SYNCRIP: variants seen among roughly 807,000 people sequenced by gnomAD.
SYNCRIP encodes the protein heterogeneous nuclear ribonucleoprotein Q.
Under a neutral mutation model 68.9 loss-of-function variants are expected in SYNCRIP, and 9 were observed. That is an observed-to-expected ratio of 0.13 (90% CI 0.08 to 0.23). The LOEUF is 0.23. Among genes scored for constraint, SYNCRIP ranks in the 10% least tolerant of loss-of-function variants. The probability of loss-of-function intolerance (pLI) is 1.00; values close to 1 mark genes in which losing one functional copy is unlikely to be tolerated. For synonymous variants in SYNCRIP, 258 were observed against 254.0 expected, an observed-to-expected ratio of 1.02 and a Z score of -0.15; for missense variants, 414 against 770.6, an observed-to-expected ratio of 0.54 and a Z score of 5.48.
chr6:85,635,998 T>C (rs1388306500), intron 6 of SYNCRIP, among the ~76,000 whole-genome samples: 1 of 152,132 alleles, frequency 6.6e-6, no homozygotes, highest in Admixed American at 6.5e-5. Flanking sequence ...AGCTATCTTG[T>C]ACAAAAGTTC....
At chr6:85,636,383 T>A (rs538809204) in intron 6 of SYNCRIP, among the ~76,000 whole-genome samples, 3 of 151,640 alleles carry the variant, frequency 2.0e-5, no homozygotes, top group Middle Eastern at 3.4e-3. Context: ...GGGGTGGAGG[T>A]TGCAGTGAGC....
Position 85,615,007 on chromosome 6 carries a change from C to T in SYNCRIP, c.1621G>A (p.Gly541Ser), listed in dbSNP as rs746427285. ...CCGCGGCCTCTTTGTTGTTGGGCAC[C>T]TCCTCTCGCACCTCGAACGCCTCTT... is the stretch of plus-strand genomic sequence containing the variant. ...SARGVRGARG[G>S]AQQQRGRGVR... is the part of the protein sequence containing the mutation. The change falls in exon 11 of 11, where the codon GGT becomes AGT. Residue 541 changes from glycine to serine, a missense_variant. Gly to Ser is a moderately conservative substitution (Grantham distance 56). This residue lies in a region of SYNCRIP where 130 missense variants were observed against 149.0 expected (regional missense o/e 0.87). Transcript: ENST00000369622. The T allele has an allele frequency of 3.1e-6, 5 of 1,613,782 alleles. No homozygotes were observed. Among genetic ancestry groups the T allele is most frequent in the Non-Finnish European group, 4.2e-6 (5 of 1,179,820 alleles).
At chr6:85,609,229 CCTT>C (rs1805058318), downstream of SYNCRIP, 1 of 151,746 alleles carries the variant, frequency 6.6e-6, no homozygotes, top group Non-Finnish European at 1.5e-5. Context: ...TGCATGAAGC[CCTT>C]CTATTTAATT....
At chr6:85,641,495 A>T in intron 1 of SYNCRIP, 44 bp from the exon 2 acceptor site, 1 of 1,576,354 alleles carries the variant, frequency 6.3e-7, no homozygotes, top group Non-Finnish European at 8.6e-7. Flanking sequence ...ATCTTCAAAA[A>T]GAATACAAGA....
chr6:85,614,702 GGTGA>G lies in SYNCRIP; in HGVS notation c.*50_*53del. 6.6e-7 allele frequency: 1 copy of G among 1,507,308 alleles called. No homozygotes were observed. The highest frequency in any genetic ancestry group is 2.3e-5 in the East Asian group (1 of 43,120). 93.4% of individuals were successfully genotyped at this position (1,507,308 alleles called of 1,614,324 possible). A position where few individuals can be genotyped will look rare whatever the true frequency, so the allele number is the denominator to read the frequency against. On this transcript the variant is annotated 3_prime_UTR_variant, in exon 11 of 11. Coordinates refer to ENST00000369622, the MANE Select transcript of SYNCRIP (RefSeq NM_006372.5). ...TATAGCGGCACCCGTTCAGATTTAG[GGTGA>G]GTTTCTGATCAACCTATCAGTCTCC...
chr6:85,634,735 CTGCTACTTTAT>C (rs1045010271), intron 6 of SYNCRIP, among the ~76,000 whole-genome samples: 1 of 152,184 alleles, frequency 6.6e-6, no homozygotes, highest in Non-Finnish European at 1.5e-5. Flanking sequence ...TTTTCACTTA[CTGCTACTTTAT>C]TGCTACTTGG....
At chr6:85,632,694 CA>C (rs1398221170) in intron 6 of SYNCRIP, among the ~76,000 whole-genome samples, 1 of 152,154 alleles carries the variant, frequency 6.6e-6, no homozygotes, top group African/African-American at 2.4e-5. Flanking sequence ...GTAATCCCAG[CA>C]ATTTGGGAAG....
chr6:85,622,064 T>C (rs190836701), intron 8 of SYNCRIP, among the ~76,000 whole-genome samples: 1 of 150,872 alleles, frequency 6.6e-6, no homozygotes, highest in East Asian at 1.9e-4. Flanking sequence ...ACTCTAAAAA[T>C]ATGGTTTAAA....
chr6:85,615,049 C>T lies in SYNCRIP; in HGVS notation c.1579G>A (p.Gly527Arg), dbSNP rs1805614178. 1.2e-6 allele frequency: 2 copies of T among 1,614,140 alleles called. No individual in the cohort carries two copies. Among genetic ancestry groups the T allele is most frequent in the East Asian group, 4.5e-5 (2 of 44,874 alleles). ...ACGCCTCTTGCTGATCCAGGACCTC[C>T]TCTCTGTGAATAACCGGCTCTACCG... Reference protein sequence around the residue: ...PRGRAGYSQRGGPGSARGVRG... With the variant: ...PRGRAGYSQRRGPGSARGVRG... The change falls in exon 11 of 11, where the codon GGA (glycine) becomes AGA (arginine). Residue 527 changes from glycine to arginine, a missense_variant. Gly to Arg is a moderately radical substitution (Grantham distance 125). Around this residue, in one of 6 missense-constraint regions of SYNCRIP, gnomAD observed 130 missense variants for 149.0 expected, o/e 0.87. Coordinates refer to ENST00000369622, the MANE Select transcript of SYNCRIP (RefSeq NM_006372.5).
chr6:85,642,145 T>C (rs1295389392), intron 1 of SYNCRIP, among the ~76,000 whole-genome samples: 2 of 152,108 alleles, frequency 1.3e-5, no homozygotes, highest in Admixed American at 6.5e-5. Flanking sequence ...CCCAGAAAGC[T>C]GCAGCAGCAC....
At chr6:85,640,145 T>C in intron 4 of SYNCRIP, 76 bp downstream of exon 4, 7 of 973,496 alleles carry the variant, frequency 7.2e-6, no homozygotes, top group South Asian at 7.0e-5. Flanking sequence ...ATCCATTTCA[T>C]ACCCAAGGAA....
intron 6 of SYNCRIP, among the ~76,000 whole-genome samples, chr6:85,635,882 C>G (rs887692075): frequency 1.3e-5 from 2 of 149,674 alleles, no homozygotes; most frequent in Non-Finnish European, 3.0e-5. Context: ...GGGTAAAACT[C>G]AGGAGGGAGG....
chr6:85,641,776 G>A (rs530289892), intron 1 of SYNCRIP, among the ~76,000 whole-genome samples: 1 of 152,280 alleles, frequency 6.6e-6, no homozygotes, highest in Admixed American at 6.5e-5. Context: ...GGAAAATGAG[G>A]TGTGTGTGGA....
At chr6:85,625,106 A>G (rs549500978) in intron 6 of SYNCRIP, among the ~76,000 whole-genome samples, 49 of 152,284 alleles carry the variant, frequency 3.2e-4, no homozygotes, top group Non-Finnish European at 5.9e-4. Flanking sequence ...TGTAAGTCAG[A>G]AAGTTGAGTC....
At chr6:85,632,297 C>T (rs1807888021) in intron 6 of SYNCRIP, among the ~76,000 whole-genome samples, 1 of 152,164 alleles carries the variant, frequency 6.6e-6, no homozygotes, top group Non-Finnish European at 1.5e-5. Flanking sequence ...CTTGTCTGAT[C>T]TATAAATAAT....
At position 85,641,363 on chromosome 6, in the gene SYNCRIP, T is replaced by C. The variant is rs754575784; in HGVS notation, c.77A>G (p.Asn26Ser). ...ACCAGCATCAAGCAATGTCTGAAAA[T>C]TTTCTGAATGGATAACTGCAGAAGT... ...DTTSAVIHSE[N>S]FQTLLDAGLP... Residue 26 changes from asparagine to serine, a missense_variant, in exon 2 of 11, where the codon AAT becomes AGT. Around this residue, in one of 6 missense-constraint regions of SYNCRIP, gnomAD observed 51 missense variants for 63.7 expected, o/e 0.80. Coordinates refer to ENST00000369622, the MANE Select transcript of SYNCRIP (RefSeq NM_006372.5). The C allele has an allele frequency of 6.2e-7, 1 of 1,613,022 alleles. No individual in the cohort carries two copies. The highest frequency in any genetic ancestry group is 8.5e-7 in the Non-Finnish European group (1 of 1,179,996).
intron 6 of SYNCRIP, among the ~76,000 whole-genome samples, chr6:85,631,502 C>CAAAT (rs1807785753): frequency 6.6e-6 from 1 of 152,042 alleles, no homozygotes; most frequent in African/African-American, 2.4e-5. Flanking sequence ...TTGATGTTGC[C>CAAAT]AAATATAAAG....
rs963439585 is a variant in SYNCRIP at position 85,624,012 on chromosome 6, T to C, written c.767A>G (p.Lys256Arg). The C allele has an allele frequency of 2.5e-6, 4 of 1,613,860 alleles. No homozygotes were observed. The African/African-American group carries it at 5.3e-5, about 22-fold the overall frequency. The change falls in exon 7 of 11, where the codon AAG (lysine) becomes AGG (arginine). Residue 256 changes from lysine to arginine, a missense_variant. Transcript: ENST00000369622. The stretch of plus-strand genomic sequence containing the variant: ...GCTAAATTCTTCAAGAATCTGTTCC[T>C]TGGTTTTACTCTTAGGAATAGAGCC... ...FVGSIPKSKT[K>R]EQILEEFSKV...
intron 6 of SYNCRIP, among the ~76,000 whole-genome samples, chr6:85,630,890 A>C (rs1807694882): frequency 6.6e-6 from 1 of 152,238 alleles, no homozygotes; most frequent in Non-Finnish European, 1.5e-5. Flanking sequence ...AGCTCATCCA[A>C]GCAAAATCTA....
Sources: allele counts gnomAD v4.1 joint callset (sites outside exome capture counted in the v4.1 genomes callset), GRCh38; gene constraint gnomAD v4.1.1; regional missense constraint gnomAD v4.1.1; transcripts MANE v1.5; gene names NCBI Gene and HGNC (gene_info 2026-07-23, HGNC 2026-07-21).